The following PPCS variants were observed in gnomAD, a reference collection of about 807,000 sequenced individuals.
PPCS encodes phosphopantothenate--cysteine ligase.
Under a neutral mutation model 24.6 loss-of-function variants are expected in PPCS, and 17 were observed. The observed-to-expected ratio is 0.69, with a 90% CI of 0.47 to 1.04. The LOEUF (loss-of-function observed/expected upper bound fraction) is 1.04. PPCS is among the 50% of genes least tolerant of loss of function. The pLI, the probability that PPCS is intolerant of heterozygous loss-of-function variation, is 0.00. For missense variants in PPCS, 360 were observed against 402.8 expected (o/e 0.89, Z 0.91); for synonymous variants, 190 against 168.3 (o/e 1.13, Z -1.00).
downstream of PPCS, among the ~76,000 whole-genome samples, chr1:42,462,548 G>A (rs1312812847): frequency 6.6e-6 from 1 of 152,184 alleles, no homozygotes; most frequent in Non-Finnish European, 1.5e-5. Flanking sequence ...GGGAACTAGA[G>A]TAAGACCAAG....
intron 2 of PPCS, among the ~76,000 whole-genome samples, chr1:42,470,279 C>T (rs1643726214): frequency 8.9e-6 from 1 of 112,874 alleles, no homozygotes. Flanking sequence ...GCTTCACACC[C>T]ATTAGGATGG....
chr1:42,468,432 GT>G (rs113345783), intron 2 of PPCS, among the ~76,000 whole-genome samples: 3,163 of 152,300 alleles, frequency 0.021, 121 homozygotes, highest in African/African-American at 0.072. Flanking sequence ...CTTAAGGACA[GT>G]TTCTGGAAGC....
chr1:42,459,959 C>T lies in PPCS; in HGVS notation c.*33C>T. ...AGCCCTTATAGGATCAAAAATTGTTCAGGGCTCTTAGAGATGGTGAAAACT... is the reference window on the plus strand; with the variant it reads ...AGCCCTTATAGGATCAAAAATTGTTTAGGGCTCTTAGAGATGGTGAAAACT... On this transcript the variant is annotated 3_prime_UTR_variant, in exon 3 of 3. Transcript: ENST00000372561. 1.9e-6 allele frequency: 3 copies of T among 1,553,406 alleles called. No homozygotes were observed. The South Asian group carries it at 3.7e-5, about 19-fold the overall frequency.
At chr1:42,458,590 A>G (rs1003611011) in intron 2 of PPCS, among the ~76,000 whole-genome samples, 1 of 152,254 alleles carries the variant, frequency 6.6e-6, no homozygotes, top group African/African-American at 2.4e-5. Context: ...GTAGTGATAA[A>G]TGCTAAGGAG....
At chr1:42,463,972 C>T (rs1175754822), downstream of PPCS, 1 of 152,296 alleles carries the variant, frequency 6.6e-6, no homozygotes, top group Admixed American at 6.5e-5. Context: ...GCTTTCTCAT[C>T]CTGCTTATTT....
intron 2 of PPCS, among the ~76,000 whole-genome samples, chr1:42,471,344 G>A (rs1166446789): frequency 3.9e-5 from 6 of 152,216 alleles, no homozygotes; most frequent in Non-Finnish European, 7.4e-5. Flanking sequence ...GCAACCCACA[G>A]TACAGGACTT....
chr1:42,461,611 A>G (rs920356258), downstream of PPCS, among the ~76,000 whole-genome samples: 1 of 151,232 alleles, frequency 6.6e-6, no homozygotes, highest in Non-Finnish European at 1.5e-5. Flanking sequence ...CAGTGGCACA[A>G]TCTCGGCTCA....
chr1:42,457,543 C>T (rs1643257065), intron 2 of PPCS, 193 bp downstream of exon 2: 2 of 605,934 alleles, frequency 3.3e-6, no homozygotes, highest in Middle Eastern at 4.4e-4. Context: ...AATTACAATA[C>T]AGAGTGATAA....
In PPCS at chr1:42,457,080, G is replaced by T; in HGVS notation, c.508+7G>T. ...CAGGCACTCAATCCGCTAGGTGCGT[G>T]CCCTAGGAGTACCCCTTTTGCCTGG... On this transcript the variant is annotated splice_region_variant and intron_variant, in intron 1 of 2. Coordinates refer to ENST00000372561, the MANE Select transcript of PPCS (RefSeq NM_024664.4). 1 of 1,586,482 alleles carries T rather than the reference G, an allele frequency of 6.3e-7. No individual in the cohort carries two copies. The highest frequency in any genetic ancestry group is 8.5e-7 in the Non-Finnish European group (1 of 1,170,504).
downstream of PPCS, among the ~76,000 whole-genome samples, chr1:42,465,536 G>A (rs1324081508): frequency 6.6e-6 from 1 of 152,064 alleles, no homozygotes; most frequent in African/African-American, 2.4e-5. Context: ...TGCTAATTTT[G>A]TATTTTTAGT....
At position 42,460,230 on chromosome 1, in the gene PPCS, G is replaced by T. The variant is rs1488452000; in HGVS notation, c.*304G>T. On this transcript the variant is annotated 3_prime_UTR_variant, in exon 3 of 3. Transcript: ENST00000372561. ...AGCCATCTTTATACTATAGAAAAAGGATTATGGATGCATGAATGGTCATGC... is the reference window on the plus strand; with the variant it reads ...AGCCATCTTTATACTATAGAAAAAGTATTATGGATGCATGAATGGTCATGC... 9.4e-6 allele frequency: 10 copies of T among 1,061,800 alleles called. No homozygotes were observed. The highest frequency in any genetic ancestry group is 1.0e-5 in the Non-Finnish European group (9 of 877,794). 65.8% of individuals were successfully genotyped at this position (1,061,800 alleles called of 1,614,324 possible).
rs1245638372 is a variant in PPCS, at chr1:42,461,082, G to A, written c.*1156G>A. On this transcript the variant is annotated 3_prime_UTR_variant, in exon 3 of 3. Coordinates refer to ENST00000372561, the MANE Select transcript of PPCS (RefSeq NM_024664.4). The stretch of plus-strand genomic sequence containing the variant: ...AGTCCAGGTGCAATTTGAAAAATTA[G>A]CATTGATGACTAAGGTAGAAGCAGG... 6.6e-6 allele frequency among the ~76,000 whole-genome samples: 1 copy of A among 152,202 alleles called. No individual in the cohort carries two copies. The highest frequency in any genetic ancestry group is 1.5e-5 in the Non-Finnish European group (1 of 68,036).
chr1:42,457,073 GGTGC>G lies in PPCS; in HGVS notation c.508+5_508+8del, dbSNP rs764554352. ...TGCGGCCCAGGCACTCAATCCGCTA[GGTGC>G]GTGCCCTAGGAGTACCCCTTTTGCC... On this transcript the variant is annotated splice_donor_variant and splice_donor_region_variant and intron_variant, in intron 1 of 2. Coordinates refer to ENST00000372561, the MANE Select transcript of PPCS (RefSeq NM_024664.4). LOFTEE classifies it high-confidence loss of function. 7.5e-6 allele frequency: 12 copies of G among 1,593,178 alleles called. No individual in the cohort carries two copies. The highest frequency in any genetic ancestry group is 1.0e-5 in the Non-Finnish European group (12 of 1,174,072).
chr1:42,464,754 G>A (rs1222086611), downstream of PPCS, among the ~76,000 whole-genome samples: 1 of 152,148 alleles, frequency 6.6e-6, no homozygotes, highest in Non-Finnish European at 1.5e-5. Flanking sequence ...CAGTATTCAG[G>A]TTTAAAAGTA....
intron 2 of PPCS, among the ~76,000 whole-genome samples, chr1:42,457,845 C>T (rs1439170948): frequency 6.6e-6 from 1 of 151,818 alleles, no homozygotes; most frequent in African/African-American, 2.4e-5. Flanking sequence ...ATCCCAGCTA[C>T]TCGGGAGGCT....
chr1:42,461,550 CTT>C (rs34955190), downstream of PPCS, among the ~76,000 whole-genome samples: 21 of 140,486 alleles, frequency 1.5e-4, no homozygotes, highest in Admixed American at 3.6e-4. Flanking sequence ...TACCCAGGCT[CTT>C]TTTTTTTTTT....
At position 42,458,694 on chromosome 1, in the gene PPCS, G is replaced by A. The variant is rs543027052; in HGVS notation, c.613-909G>A. On this transcript the variant is annotated intron_variant, in intron 2 of 2. Transcript: ENST00000372561. ...CTGATGATTAGCTTAGTGATTTCAC[G>A]CTTTTTAATCTCTGGGATCTTTAGT... is the stretch of plus-strand genomic sequence containing the variant. Among the ~76,000 whole-genome samples the A allele has an allele frequency of 1.1e-4, 17 of 152,222 alleles. No individual in the cohort carries two copies. The South Asian group carries it at 2.7e-3, about 24-fold the overall frequency.
At chr1:42,471,771 T>C (rs557755265) in intron 2 of PPCS, among the ~76,000 whole-genome samples, 49 of 152,160 alleles carry the variant, frequency 3.2e-4, no homozygotes, top group Non-Finnish European at 6.5e-4. Flanking sequence ...TTTTCATCAG[T>C]ATGAGTATCA....
chr1:42,470,297 T>TG (rs1190277628), intron 2 of PPCS, among the ~76,000 whole-genome samples: 1 of 151,336 alleles, frequency 6.6e-6, no homozygotes, highest in Non-Finnish European at 1.5e-5. Context: ...TGGCTATTTT[T>TG]TTTTTAAAGT....
Sources: gnomAD v4.1 joint callset for allele counts (sites outside exome capture counted in the v4.1 genomes callset) on GRCh38, gnomAD v4.1.1 for gene constraint, MANE v1.5 for transcripts, NCBI Gene and HGNC (gene_info 2026-07-23, HGNC 2026-07-21) for gene names.